SLC41A3: variants seen among roughly 807,000 people sequenced by gnomAD.
SLC41A3 encodes the protein SLC41A1-like 2.
A neutral mutation model predicts 45.4 loss-of-function variants in SLC41A3; 44 were observed. That is an observed-to-expected ratio of 0.97 (90% CI 0.76 to 1.25). The LOEUF is 1.25. Among genes scored for constraint, SLC41A3 ranks in the 50% most tolerant of loss-of-function variants. The pLI, the probability that SLC41A3 is intolerant of heterozygous loss-of-function variation, is 0.00. For synonymous variants in SLC41A3, 256 were observed against 252.4 expected (o/e 1.01, Z -0.13); for missense variants, 550 against 600.6 (o/e 0.92, Z 0.88).
At chr3:126,090,215 T>G (rs1200139474) in intron 1 of SLC41A3, among the ~76,000 whole-genome samples, 3 of 152,130 alleles carry the variant, frequency 2.0e-5, no homozygotes, top group African/African-American at 7.2e-5. Flanking sequence ...ACAAAGACTT[T>G]AACTAAAATA....
chr3:126,023,052 C>T, intron 5 of SLC41A3, 120 bp from the exon 6 acceptor site: 1 of 1,397,658 alleles, frequency 7.2e-7, no homozygotes, highest in Non-Finnish European at 9.7e-7. Context: ...GGCAGGGAGG[C>T]TGCTCATTAA....
intron 2 of SLC41A3, among the ~76,000 whole-genome samples, chr3:126,055,678 G>A (rs556466464): frequency 1.2e-4 from 19 of 152,076 alleles, no homozygotes; most frequent in African/African-American, 7.2e-5. Flanking sequence ...CTGACTCTAC[G>A]AAATGTTTCA....
chr3:126,072,489 T>C (rs563962467), intron 1 of SLC41A3, among the ~76,000 whole-genome samples: 12 of 151,372 alleles, frequency 7.9e-5, no homozygotes, highest in Middle Eastern at 6.8e-3. Flanking sequence ...AATAGTTAAA[T>C]TAGGAATGAA....
intron 1 of SLC41A3, among the ~76,000 whole-genome samples, chr3:126,071,530 A>G (rs926134002): frequency 1.3e-5 from 2 of 152,236 alleles, no homozygotes; most frequent in African/African-American, 4.8e-5. Flanking sequence ...CTTCAACAAC[A>G]TTATAAACCA....
chr3:126,009,002 C>G, intron 9 of SLC41A3, 122 bp from the exon 10 acceptor site: 1 of 1,243,514 alleles, frequency 8.0e-7, no homozygotes, highest in South Asian at 1.4e-5. Flanking sequence ...CACTGGACAC[C>G]TACTCTGTGG....
intron 1 of SLC41A3, chr3:126,095,160 G>A (rs761751291): frequency 4.6e-6 from 3 of 658,022 alleles, no homozygotes; most frequent in Non-Finnish European, 8.3e-6. Flanking sequence ...TAATAACTTG[G>A]GGTAGAGGTT....
intron 6 of SLC41A3, among the ~76,000 whole-genome samples, chr3:126,019,788 G>A (rs1258039432): frequency 6.6e-6 from 1 of 152,002 alleles, no homozygotes; most frequent in East Asian, 1.9e-4. Flanking sequence ...CTCCAACCAT[G>A]GCTGTGCAGT....
At chr3:126,015,804 G>A (rs368271008) in intron 7 of SLC41A3, among the ~76,000 whole-genome samples, 5 of 152,258 alleles carry the variant, frequency 3.3e-5, no homozygotes, top group Admixed American at 1.3e-4. Context: ...AAGGCCATCC[G>A]AGAACACCCA....
At position 126,020,465 on chromosome 3, in the gene SLC41A3, C is replaced by T. The variant is rs971418431; in HGVS notation, c.745+2321G>A. Among the ~76,000 whole-genome samples the T allele has an allele frequency of 3.3e-5, 5 of 152,204 alleles. No individual in the cohort carries two copies. In the East Asian group the frequency reaches 7.7e-4, roughly 23 times the overall value. On this transcript the variant is annotated intron_variant, in intron 6 of 10. Coordinates refer to ENST00000360370, the MANE Select transcript of SLC41A3 (RefSeq NM_017836.4). ...CTCCTGGAAACTCTTTCATTCTCTA[C>T]CATATGGCCAGGCTAAAAATTTTCC... is the stretch of plus-strand genomic sequence containing the variant.
chr3:126,091,572 G>A (rs564969074), intron 1 of SLC41A3, among the ~76,000 whole-genome samples: 1 of 152,282 alleles, frequency 6.6e-6, no homozygotes, highest in East Asian at 1.9e-4. Flanking sequence ...GGAGGCCAAG[G>A]TTTTTTTATG....
intron 1 of SLC41A3, among the ~76,000 whole-genome samples, chr3:126,093,671 A>G (rs899799824): frequency 5.9e-5 from 9 of 152,250 alleles, no homozygotes; most frequent in Non-Finnish European, 1.3e-4. Flanking sequence ...TCAAATTGTT[A>G]TATCTACTTC....
chr3:126,022,750 G>A (rs781097902), intron 6 of SLC41A3, 36 bp downstream of exon 6: 8 of 1,611,624 alleles, frequency 5.0e-6, no homozygotes, highest in African/African-American at 1.3e-5. Flanking sequence ...CCCCCTCCAC[G>A]GAGCCTTTGT....
chr3:126,013,509 A>C (rs1939933454), intron 8 of SLC41A3, among the ~76,000 whole-genome samples: 3 of 151,596 alleles, frequency 2.0e-5, no homozygotes, highest in Admixed American at 2.0e-4. Context: ...ATTGCACTGA[A>C]CCAAGATCAC....
intron 1 of SLC41A3, chr3:126,092,698 A>G (rs7613462): frequency 0.17 from 26,016 of 152,528 alleles, 2,331 homozygotes; most frequent in Middle Eastern, 0.27. Flanking sequence ...AGGACACCCG[A>G]GTACTCTTAA....
At chr3:126,059,291 A>AAAAGAAAGAAAGAGAAAG (rs1943907685) in intron 2 of SLC41A3, among the ~76,000 whole-genome samples, 3 of 121,312 alleles carry the variant, frequency 2.5e-5, no homozygotes, top group African/African-American at 9.4e-5. Flanking sequence ...AGAAAGAAAG[A>AAAAGAAAGAAAGAGAAAG]AAGAAAGAAA....
At chr3:126,090,028 CTTTTTTTTTTTTT>C (rs59737864) in intron 1 of SLC41A3, among the ~76,000 whole-genome samples, 1 of 99,336 alleles carries the variant, frequency 1.0e-5, no homozygotes, top group Non-Finnish European at 2.0e-5. Context: ...TCAAGAAAAT[CTTTTTTTTTTTTT>C]TTTTTTTTTT....
rs1280890335 is a variant in SLC41A3, at chr3:126,006,967, C to T, written c.*49G>A. On this transcript the variant is annotated 3_prime_UTR_variant, in exon 11 of 11. Transcript: ENST00000360370. Reference sequence around the variant, plus strand: ...GGGAGAAACTGAATTCTGTATCCCACTGATGTGAGAGGAAATTCTAATGAG... The same window carrying T: ...GGGAGAAACTGAATTCTGTATCCCATTGATGTGAGAGGAAATTCTAATGAG... 1.2e-5 allele frequency: 19 copies of T among 1,612,382 alleles called. No individual in the cohort carries two copies. Among genetic ancestry groups the T allele is most frequent in the Non-Finnish European group, 1.4e-5 (17 of 1,178,928 alleles).
chr3:126,082,374 T>C lies in SLC41A3; in HGVS notation c.-28+1719A>G, dbSNP rs1417220135. Among the ~76,000 whole-genome samples, 3 of 152,226 alleles carry C rather than the reference T, an allele frequency of 2.0e-5. No homozygotes were observed. The East Asian group carries it at 5.8e-4, about 29-fold the overall frequency. On this transcript the variant is annotated intron_variant, in intron 1 of 10. Transcript: ENST00000360370. ...GGCAATGTCTGCACATGGTTTTGGT[T>C]GTCCCGACAGGGGGTGATACAGGAC...
At chr3:126,060,270 T>C (rs1943987311) in intron 2 of SLC41A3, among the ~76,000 whole-genome samples, 1 of 151,818 alleles carries the variant, frequency 6.6e-6, no homozygotes, top group Non-Finnish European at 1.5e-5. Flanking sequence ...AATACAAAAA[T>C]TAGCTGGGCG....
Sources: allele counts gnomAD v4.1 joint callset (sites outside exome capture counted in the v4.1 genomes callset), GRCh38; gene constraint gnomAD v4.1.1; transcripts MANE v1.5; gene names NCBI Gene and HGNC (gene_info 2026-07-23, HGNC 2026-07-21).